The following KCNQ5 variants were observed in gnomAD, a reference collection of about 807,000 sequenced individuals.
KCNQ5 encodes potassium voltage-gated channel subfamily Q member 5, also known as potassium voltage-gated channel subfamily KQT member 5.
A neutral mutation model predicts 98.2 loss-of-function variants in KCNQ5; 30 were observed. That is an observed-to-expected ratio of 0.31 (90% CI 0.23 to 0.41). The LOEUF is 0.41. KCNQ5 is among the 10% of genes least tolerant of loss of function. The pLI, the probability that KCNQ5 is intolerant of heterozygous loss-of-function variation, is 1.00. For synonymous variants in KCNQ5, 458 were observed against 449.4 expected, an observed-to-expected ratio of 1.02 and a Z score of -0.24; for missense variants, 835 against 1,182.5, an observed-to-expected ratio of 0.71 and a Z score of 4.31.
intron 2 of KCNQ5, among the ~76,000 whole-genome samples, chr6:73,015,031 T>C (rs1389807752): frequency 6.6e-6 from 1 of 152,102 alleles, no homozygotes; most frequent in African/African-American, 2.4e-5. Context: ...TTAAAACTTC[T>C]GGTATTAAAT....
intron 1 of KCNQ5, among the ~76,000 whole-genome samples, chr6:72,793,692 C>G (rs191734832): frequency 1.3e-5 from 2 of 152,328 alleles, no homozygotes; most frequent in East Asian, 3.9e-4. Flanking sequence ...ATATATCACT[C>G]CTCCAAGAAA....
chr6:73,039,548 A>T (rs182255440), intron 2 of KCNQ5, among the ~76,000 whole-genome samples: 22 of 152,164 alleles, frequency 1.4e-4, no homozygotes, highest in Admixed American at 7.2e-4. Flanking sequence ...CAATTTTTTA[A>T]AAATTTTTGA....
At chr6:72,854,933 A>G (rs1000751394) in intron 1 of KCNQ5, among the ~76,000 whole-genome samples, 1 of 151,988 alleles carries the variant, frequency 6.6e-6, no homozygotes, top group Admixed American at 6.6e-5. Flanking sequence ...TCACTGAGCA[A>G]ATGGCTCTTG....
At chr6:72,886,080 A>AC (rs1423702761) in intron 1 of KCNQ5, among the ~76,000 whole-genome samples, 2 of 152,220 alleles carry the variant, frequency 1.3e-5, no homozygotes, top group Non-Finnish European at 2.9e-5. Context: ...GAATACCCAA[A>AC]GAGCATGAGC....
At chr6:72,888,180 C>T (rs1397727012) in intron 1 of KCNQ5, among the ~76,000 whole-genome samples, 1 of 152,044 alleles carries the variant, frequency 6.6e-6, no homozygotes, top group African/African-American at 2.4e-5. Flanking sequence ...TAGCAGATCC[C>T]GTCTGCTAAG....
intron 10 of KCNQ5, among the ~76,000 whole-genome samples, chr6:73,147,858 A>G (rs1285029570): frequency 6.6e-6 from 1 of 152,166 alleles, no homozygotes; most frequent in African/African-American, 2.4e-5. Context: ...GCTGAATCAC[A>G]GTTCAGCAAT....
chr6:72,656,796 C>T (rs1297727057), intron 1 of KCNQ5, among the ~76,000 whole-genome samples: 1 of 152,104 alleles, frequency 6.6e-6, no homozygotes, highest in Non-Finnish European at 1.5e-5. Context: ...ACACTTTTGG[C>T]CTGGAACTAA....
chr6:73,095,667 C>T (rs1216771214), intron 5 of KCNQ5, among the ~76,000 whole-genome samples: 1 of 152,154 alleles, frequency 6.6e-6, no homozygotes, highest in Non-Finnish European at 1.5e-5. Context: ...TTCCTGAGAG[C>T]TGAGCTGTAG....
At chr6:72,969,934 A>C (rs930746435) in intron 1 of KCNQ5, among the ~76,000 whole-genome samples, 1 of 152,178 alleles carries the variant, frequency 6.6e-6, no homozygotes, top group South Asian at 2.1e-4. Context: ...AGGCCTGCAT[A>C]GAAGATTGGC....
chr6:73,137,466 T>C (rs1288366207), intron 10 of KCNQ5, among the ~76,000 whole-genome samples: 1 of 152,228 alleles, frequency 6.6e-6, no homozygotes, highest in East Asian at 1.9e-4. Context: ...TGATAAATTC[T>C]ATAATAAAAG....
intron 1 of KCNQ5, among the ~76,000 whole-genome samples, chr6:72,881,701 A>AT (rs926395245): frequency 3.3e-5 from 5 of 151,894 alleles, no homozygotes; most frequent in Non-Finnish European, 2.9e-5. Context: ...ATTTTATTTT[A>AT]TTTTATTTTT....
At chr6:72,842,884 T>C (rs1407075308) in intron 1 of KCNQ5, among the ~76,000 whole-genome samples, 1 of 152,234 alleles carries the variant, frequency 6.6e-6, no homozygotes, top group Non-Finnish European at 1.5e-5. Context: ...TTCTGGATAT[T>C]AGCCCTTTGT....
At chr6:73,032,864 A>G (rs1241014709) in intron 2 of KCNQ5, among the ~76,000 whole-genome samples, 1 of 152,108 alleles carries the variant, frequency 6.6e-6, no homozygotes, top group Non-Finnish European at 1.5e-5. Flanking sequence ...GCTCCTCCAC[A>G]AAGGGCACCA....
chr6:72,851,073 A>G (rs2150142249), intron 1 of KCNQ5, among the ~76,000 whole-genome samples: 1 of 152,326 alleles, frequency 6.6e-6, no homozygotes, highest in South Asian at 2.1e-4. Flanking sequence ...CTCAAGTTCT[A>G]TCAAATTTCA....
chr6:73,114,443 C>G lies in KCNQ5; in HGVS notation c.1125+3040C>G, dbSNP rs183157587. Reference sequence around the variant, plus strand: ...GGTTTTAGGAAAAAAATTTAAAACCCCAGAAGCTTGCAGCAAATTTAGCTG... The same window carrying G: ...GGTTTTAGGAAAAAAATTTAAAACCGCAGAAGCTTGCAGCAAATTTAGCTG... On this transcript the variant is annotated intron_variant, in intron 7 of 13. Coordinates refer to ENST00000370398, the MANE Select transcript of KCNQ5 (RefSeq NM_019842.4). 3.9e-5 allele frequency among the ~76,000 whole-genome samples: 6 copies of G among 152,248 alleles called. No individual in the cohort carries two copies. In the East Asian group the frequency reaches 9.6e-4, roughly 24 times the overall value.
chr6:72,650,031 G>A (rs2154472349), intron 1 of KCNQ5, among the ~76,000 whole-genome samples: 1 of 152,106 alleles, frequency 6.6e-6, no homozygotes, highest in South Asian at 2.1e-4. Flanking sequence ...GCTAATGACT[G>A]TTTTATAATG....
At chr6:72,825,102 G>C (rs1177703368) in intron 1 of KCNQ5, among the ~76,000 whole-genome samples, 10 of 151,850 alleles carry the variant, frequency 6.6e-5, no homozygotes, top group Non-Finnish European at 1.3e-4. Flanking sequence ...GATGACTTTT[G>C]CTCTAGAAGA....
At chr6:72,634,116 A>C (rs1182000441) in intron 1 of KCNQ5, among the ~76,000 whole-genome samples, 2 of 152,250 alleles carry the variant, frequency 1.3e-5, no homozygotes, top group Non-Finnish European at 2.9e-5. Flanking sequence ...TCCTCATATC[A>C]GATGGGTAGA....
intron 3 of KCNQ5, among the ~76,000 whole-genome samples, chr6:73,049,660 A>G (rs1162545645): frequency 2.6e-5 from 4 of 152,214 alleles, no homozygotes; most frequent in Admixed American, 1.3e-4. Flanking sequence ...TATTACATAG[A>G]TTAGCAACTG....
Sources: allele counts gnomAD v4.1 joint callset (sites outside exome capture counted in the v4.1 genomes callset), GRCh38; gene constraint gnomAD v4.1.1; transcripts MANE v1.5; gene names NCBI Gene and HGNC (gene_info 2026-07-23, HGNC 2026-07-21).